The following SH3D19 variants were observed in gnomAD, a reference collection of about 807,000 sequenced individuals.
SH3D19 encodes SH3 domain-containing protein 19.
SH3D19 carries 58 observed loss-of-function variants against 112.1 expected under a neutral mutation model. That is an observed-to-expected ratio of 0.52 (90% CI 0.42 to 0.64). The LOEUF (loss-of-function observed/expected upper bound fraction) is 0.64, where lower values mean the gene tolerates loss of function less well. SH3D19 is among the 30% of genes least tolerant of loss of function. The pLI is 0.00. For missense variants in SH3D19, 1,090 were observed against 1,263.4 expected, an observed-to-expected ratio of 0.86 and a Z score of 2.08; for synonymous variants, 391 against 448.5, an observed-to-expected ratio of 0.87 and a Z score of 1.62.
chr4:151,274,515 A>T (rs1773444065), intron 1 of SH3D19, among the ~76,000 whole-genome samples: 2 of 152,252 alleles, frequency 1.3e-5, no homozygotes, highest in African/African-American at 4.8e-5. Context: ...TGAACTGAAA[A>T]TAGGGAACAA....
chr4:151,325,222 C>G lies in SH3D19; in HGVS notation c.112+19G>C, dbSNP rs1730935647. The G allele has an allele frequency of 3.3e-6, 4 of 1,205,242 alleles. No individual in the cohort carries two copies. The South Asian group carries it at 1.3e-4, about 38-fold the overall frequency. The allele number at this position is 1,205,242 out of a possible 1,614,324, so 74.7% of individuals were successfully genotyped here. A position where few individuals can be genotyped will look rare whatever the true frequency, so the allele number is the denominator to read the frequency against. ...GCGCAGCTCTGGGTCCCCGCCGCCCCGTCCCCCGCGCCTCTCACCTGCGGC... is the reference window on the plus strand; with the variant it reads ...GCGCAGCTCTGGGTCCCCGCCGCCCGGTCCCCCGCGCCTCTCACCTGCGGC... On this transcript the variant is annotated intron_variant, in intron 1 of 19. Transcript: ENST00000604030.
At chr4:151,282,338 C>A (rs916874734) in intron 1 of SH3D19, 1 of 1,613,920 alleles carries the variant, frequency 6.2e-7, no homozygotes, top group African/African-American at 1.3e-5. Context: ...TATTTGCTTG[C>A]CCAGTGTCAC....
At chr4:151,282,206 A>C (rs748779147) in intron 1 of SH3D19, 50 of 1,613,834 alleles carry the variant, frequency 3.1e-5, no homozygotes, top group Non-Finnish European at 4.2e-5. Flanking sequence ...AGGTGACTCA[A>C]GGAAACGTGT....
At chr4:151,316,723 T>A (rs1730023259) in intron 1 of SH3D19, among the ~76,000 whole-genome samples, 1 of 151,826 alleles carries the variant, frequency 6.6e-6, no homozygotes, top group East Asian at 1.9e-4. Flanking sequence ...CTCACCCCCA[T>A]GAGCCCATCC....
chr4:151,316,931 T>C (rs1730046781), intron 1 of SH3D19, among the ~76,000 whole-genome samples: 1 of 152,230 alleles, frequency 6.6e-6, no homozygotes, highest in Non-Finnish European at 1.5e-5. Flanking sequence ...GACACGTATT[T>C]TCCTCTTGTA....
chr4:151,287,080 C>T (rs1034342085), intron 1 of SH3D19, among the ~76,000 whole-genome samples: 1 of 151,548 alleles, frequency 6.6e-6, no homozygotes, highest in South Asian at 2.1e-4. Context: ...GTGGCTCACA[C>T]CTGTAATCCC....
intron 1 of SH3D19, among the ~76,000 whole-genome samples, chr4:151,281,668 G>GTTATTTAT (rs148514083): frequency 8.5e-4 from 128 of 150,906 alleles, no homozygotes; most frequent in African/African-American, 2.7e-3. Context: ...CAGAGAACTT[G>GTTATTTAT]TTATTTATTT....
At chr4:151,213,824 C>T (rs1275846869) in intron 2 of SH3D19, among the ~76,000 whole-genome samples, 1 of 151,562 alleles carries the variant, frequency 6.6e-6, no homozygotes, top group African/African-American at 2.4e-5. Flanking sequence ...GTAGCTGGGA[C>T]TACAGGTGCA....
At chr4:151,263,498 C>T (rs1655247693) in intron 1 of SH3D19, among the ~76,000 whole-genome samples, 1 of 152,228 alleles carries the variant, frequency 6.6e-6, no homozygotes, top group South Asian at 2.1e-4. Context: ...AACCCCAACA[C>T]TCAGTAGCTA....
chr4:151,295,461 G>A (rs1775637506), intron 1 of SH3D19, among the ~76,000 whole-genome samples: 1 of 152,144 alleles, frequency 6.6e-6, no homozygotes. Context: ...TGTCCTTAGA[G>A]TAAGGCCCTA....
At chr4:151,164,506 A>G (rs1757656054) in intron 8 of SH3D19, among the ~76,000 whole-genome samples, 1 of 152,098 alleles carries the variant, frequency 6.6e-6, no homozygotes, top group African/African-American at 2.4e-5. Context: ...ATAGAATTTC[A>G]TTTGTTATAC....
intron 1 of SH3D19, chr4:151,291,207 T>C (rs2150019269): frequency 6.2e-7 from 1 of 1,613,586 alleles, no homozygotes; most frequent in East Asian, 2.2e-5. Context: ...GTGGTAAATC[T>C]CTTCCTGGAG....
chr4:151,181,380 G>C (rs1760923415), intron 3 of SH3D19, among the ~76,000 whole-genome samples: 1 of 152,154 alleles, frequency 6.6e-6, no homozygotes, highest in Non-Finnish European at 1.5e-5. Context: ...AGCCGTAACA[G>C]GTGAACCTCT....
At position 151,139,804 on chromosome 4, in the gene SH3D19, T is replaced by C; in HGVS notation, c.2267A>G (p.His756Arg). The C allele has an allele frequency of 1.2e-6, 2 of 1,614,158 alleles. No individual in the cohort carries two copies. Among genetic ancestry groups the C allele is most frequent in the Non-Finnish European group, 8.5e-7 (1 of 1,180,016 alleles). ...AQKPVDSGAP[H>R]AVVLHDFPAE... Reference sequence around the variant, plus strand: ...TGGGAAATCATGAAGAACGACAGCATGAGGAGCACCACTGTCAACAGGCTT... The same window carrying C: ...TGGGAAATCATGAAGAACGACAGCACGAGGAGCACCACTGTCAACAGGCTT... The change falls in exon 13 of 20, where the codon CAT becomes CGT. Residue 756 changes from histidine to arginine, a missense_variant. Coordinates refer to ENST00000604030, the MANE Select transcript of SH3D19 (RefSeq NM_001378122.1).
chr4:151,184,284 G>A (rs921625171), intron 3 of SH3D19, among the ~76,000 whole-genome samples: 2 of 152,140 alleles, frequency 1.3e-5, no homozygotes, highest in Admixed American at 6.5e-5. Flanking sequence ...AGATGACTGA[G>A]TATGGGATAG....
At chr4:151,249,099 T>C (rs780493522) in intron 1 of SH3D19, among the ~76,000 whole-genome samples, 2 of 152,104 alleles carry the variant, frequency 1.3e-5, no homozygotes, top group African/African-American at 2.4e-5. Flanking sequence ...TATAAAACAC[T>C]CAAGGGTATG....
intron 1 of SH3D19, among the ~76,000 whole-genome samples, chr4:151,254,170 T>C (rs1771625991): frequency 6.6e-6 from 1 of 152,060 alleles, no homozygotes; most frequent in Non-Finnish European, 1.5e-5. Flanking sequence ...ACTATCAGGC[T>C]TCTGTAACTG....
intron 2 of SH3D19, among the ~76,000 whole-genome samples, chr4:151,189,097 CTGTTTT>C (rs1330580058): frequency 4.6e-5 from 7 of 151,956 alleles, no homozygotes; most frequent in East Asian, 1.9e-4. Context: ...CAGTAAGTTT[CTGTTTT>C]TGTTTTTGTT....
chr4:151,125,535 A>G (rs867436434), intron 19 of SH3D19, among the ~76,000 whole-genome samples: 1 of 150,658 alleles, frequency 6.6e-6, no homozygotes, highest in African/African-American at 2.4e-5. Flanking sequence ...GAAGGAAAGG[A>G]AAGAAGGGAA....
Sources: gnomAD v4.1 joint callset for allele counts (sites outside exome capture counted in the v4.1 genomes callset) on GRCh38, gnomAD v4.1.1 for gene constraint, MANE v1.5 for transcripts, NCBI Gene and HGNC (gene_info 2026-07-23, HGNC 2026-07-21) for gene names.